Variants in PGR observed in about 807,000 individuals in gnomAD.
PGR encodes nuclear receptor subfamily 3 group C member 3.
Under a neutral mutation model 76.1 loss-of-function variants are expected in PGR, and 25 were observed. The observed-to-expected ratio is 0.33, with a 90% CI of 0.24 to 0.46. The LOEUF (loss-of-function observed/expected upper bound fraction) is 0.46. Among genes scored for constraint, PGR ranks in the 20% least tolerant of loss-of-function variants. The pLI, the probability that PGR is intolerant of heterozygous loss-of-function variation, is 1.00. For missense variants in PGR, 1,172 were observed against 1,225.3 expected (o/e 0.96, Z 0.65); for synonymous variants, 579 against 535.0 (o/e 1.08, Z -1.14).
chr11:101,069,767 A>G (rs973058596), intron 3 of PGR, among the ~76,000 whole-genome samples: 3 of 152,142 alleles, frequency 2.0e-5, no homozygotes, highest in Admixed American at 6.5e-5. Context: ...CAGAAAACCA[A>G]ACACTGCATA....
At chr11:101,102,108 A>G (rs887669471) in intron 2 of PGR, among the ~76,000 whole-genome samples, 1 of 152,236 alleles carries the variant, frequency 6.6e-6, no homozygotes, top group African/African-American at 2.4e-5. Context: ...AGACAAAAAA[A>G]GGTGGGAGAT....
chr11:101,098,104 C>A (rs1439165404), intron 2 of PGR, among the ~76,000 whole-genome samples: 2 of 152,032 alleles, frequency 1.3e-5, no homozygotes, highest in Non-Finnish European at 2.9e-5. Flanking sequence ...AAAAAATACT[C>A]TGTGAAAATA....
At chr11:101,054,915 TC>T (rs1860234208) in intron 4 of PGR, among the ~76,000 whole-genome samples, 1 of 151,976 alleles carries the variant, frequency 6.6e-6, no homozygotes, top group South Asian at 2.1e-4. Context: ...TAATGGGAAG[TC>T]TCTAATACTA....
chr11:101,096,516 A>G (rs1158282238), intron 2 of PGR, among the ~76,000 whole-genome samples: 1 of 152,224 alleles, frequency 6.6e-6, no homozygotes, highest in Non-Finnish European at 1.5e-5. Context: ...ACCATAATGC[A>G]TGGCCAGGAC....
At chr11:101,050,890 T>A (rs1346148372) in intron 5 of PGR, 2 of 201,630 alleles carry the variant, frequency 9.9e-6, no homozygotes, top group Non-Finnish European at 2.0e-5. Context: ...AAGACTTATA[T>A]AAGTGTGAGT....
chr11:101,100,800 CAG>C (rs1861974748), intron 2 of PGR, among the ~76,000 whole-genome samples: 1 of 152,034 alleles, frequency 6.6e-6, no homozygotes, highest in Non-Finnish European at 1.5e-5. Flanking sequence ...GGTATTATTG[CAG>C]AGAGGCCAAA....
At position 101,128,793 on chromosome 11, in the gene PGR, G is replaced by C. The variant is rs1476871650; in HGVS notation, c.278C>G (p.Thr93Arg). 9 of 1,614,140 alleles carry C rather than the reference G, an allele frequency of 5.6e-6. No homozygotes were observed. Among genetic ancestry groups the C allele is most frequent in the Non-Finnish European group, 7.6e-6 (9 of 1,180,054 alleles). Residue 93 changes from threonine to arginine, a missense_variant, in exon 1 of 8, where the codon ACA becomes AGA. Thr to Arg is a moderately conservative substitution (Grantham distance 71, BLOSUM62 -1). This residue lies in a region of PGR where 893 missense variants were observed against 785.9 expected (regional missense o/e 1.14). Transcript: ENST00000325455. The stretch of plus-strand genomic sequence containing the variant: ...AGAACTGCTGCCTCCAGCACCCCTT[G>C]TAGCTTCAGCTCTGGAATATGCGCC... ...VEGAYSRAEA[T>R]RGAGGSSSSP...
At chr11:101,103,110 C>A (rs2135474057) in intron 2 of PGR, among the ~76,000 whole-genome samples, 1 of 151,412 alleles carries the variant, frequency 6.6e-6, no homozygotes, top group South Asian at 2.1e-4. Context: ...AGGAGGTGAG[C>A]AGCAGGTGAG....
chr11:101,126,826 T>C (rs1245404215), intron 1 of PGR, among the ~76,000 whole-genome samples: 1 of 152,180 alleles, frequency 6.6e-6, no homozygotes, highest in Non-Finnish European at 1.5e-5. Context: ...GTGACAGGCG[T>C]TTAAATCCAC....
intron 3 of PGR, among the ~76,000 whole-genome samples, chr11:101,080,991 A>T (rs1391043335): frequency 6.6e-6 from 1 of 152,192 alleles, no homozygotes; most frequent in South Asian, 2.1e-4. Context: ...AAGCAAAAAA[A>T]CCCTATGAAT....
At chr11:101,072,083 T>C (rs1426830162) in intron 3 of PGR, among the ~76,000 whole-genome samples, 1 of 142,712 alleles carries the variant, frequency 7.0e-6, no homozygotes, top group East Asian at 2.1e-4. Context: ...AAAGAGAAAG[T>C]CGGGTTACCC....
chr11:101,075,959 C>T (rs139436107), intron 3 of PGR, among the ~76,000 whole-genome samples: 17 of 152,248 alleles, frequency 1.1e-4, no homozygotes, highest in African/African-American at 3.6e-4. Context: ...CCAGCAATCC[C>T]GTTACTGGGT....
chr11:101,096,548 T>C (rs1360821001), intron 2 of PGR, among the ~76,000 whole-genome samples: 1 of 151,914 alleles, frequency 6.6e-6, no homozygotes, highest in African/African-American at 2.4e-5. Context: ...AAGAATGCAA[T>C]GAATGCAGTG....
intron 2 of PGR, among the ~76,000 whole-genome samples, chr11:101,093,990 T>C (rs1018547680): frequency 6.6e-6 from 1 of 152,208 alleles, no homozygotes; most frequent in African/African-American, 2.4e-5. Flanking sequence ...CCAATGGTTT[T>C]TGCTTTTGTC....
Position 101,031,322 on chromosome 11 carries a change from C to A in PGR, c.*7794G>T, listed in dbSNP as rs1824125. On this transcript the variant is annotated 3_prime_UTR_variant, in exon 8 of 8. Transcript: ENST00000325455. ...GGGACTGGTGTATGGCCAGTGAGGA[C>A]CTGGAGAAAGAAACCTCCTTCCCAC... is the stretch of plus-strand genomic sequence containing the variant. The A allele has an allele frequency of 0.23, 50,522 of 222,268 alleles. 8,626 individuals are homozygous for A. Among genetic ancestry groups the A allele is most frequent in the East Asian group, 0.74 (11,299 of 15,264 alleles). 13.8% of individuals were successfully genotyped at this position (222,268 alleles called of 1,614,324 possible). A position where few individuals can be genotyped will look rare whatever the true frequency, so the allele number is the denominator to read the frequency against.
At chr11:101,082,242 C>A (rs970778519) in intron 3 of PGR, among the ~76,000 whole-genome samples, 1 of 152,150 alleles carries the variant, frequency 6.6e-6, no homozygotes. Context: ...GTTAAGCCTG[C>A]AGAACTGTGA....
chr11:101,082,833 T>G (rs1368202758), intron 3 of PGR, among the ~76,000 whole-genome samples: 1 of 152,144 alleles, frequency 6.6e-6, no homozygotes, highest in Non-Finnish European at 1.5e-5. Context: ...TATATTGGAA[T>G]ATTTGTAGCC....
chr11:101,080,315 G>C (rs1861261264), intron 3 of PGR, among the ~76,000 whole-genome samples: 7 of 152,022 alleles, frequency 4.6e-5, no homozygotes, highest in Admixed American at 4.6e-4. Flanking sequence ...GCAGAGCCCA[G>C]TATAAAACCT....
intron 4 of PGR, among the ~76,000 whole-genome samples, chr11:101,056,040 T>C (rs1000616735): frequency 5.9e-5 from 9 of 152,212 alleles, no homozygotes; most frequent in Non-Finnish European, 1.0e-4. Flanking sequence ...ATGCCTAGTA[T>C]AGAAATGCTA....
Sources: allele counts gnomAD v4.1 joint callset (sites outside exome capture counted in the v4.1 genomes callset), GRCh38; gene constraint gnomAD v4.1.1; regional missense constraint gnomAD v4.1.1; transcripts MANE v1.5; gene names NCBI Gene and HGNC (gene_info 2026-07-23, HGNC 2026-07-21).